The following TNPO3 variants were observed in gnomAD, a reference collection of about 807,000 sequenced individuals.
The protein encoded by TNPO3 is transportin-3.
A neutral mutation model predicts 122.8 loss-of-function variants in TNPO3; 65 were observed. The ratio of observed to expected loss-of-function variants is 0.53; its 90% confidence interval spans 0.43 to 0.65. The LOEUF (loss-of-function observed/expected upper bound fraction) is 0.65, where lower values mean the gene tolerates loss of function less well. Among genes scored for constraint, TNPO3 ranks in the 30% least tolerant of loss-of-function variants. The probability of loss-of-function intolerance (pLI) is 0.00; values close to 1 mark genes in which losing one functional copy is unlikely to be tolerated. For missense variants in TNPO3, 850 were observed against 1,136.7 expected (o/e 0.75, Z 3.63); for synonymous variants, 372 against 411.2 (o/e 0.90, Z 1.15).
At chr7:129,050,788 C>T (rs1251488823) in intron 1 of TNPO3, among the ~76,000 whole-genome samples, 1 of 152,068 alleles carries the variant, frequency 6.6e-6, no homozygotes, top group East Asian at 1.9e-4. Context: ...TAAAAGCAGC[C>T]CAAGAAAAAC....
intron 1 of TNPO3, among the ~76,000 whole-genome samples, chr7:129,024,457 G>A (rs1804880685): frequency 6.6e-6 from 1 of 152,166 alleles, no homozygotes; most frequent in African/African-American, 2.4e-5. Flanking sequence ...CAATAAAATG[G>A]TTTTTATTTC....
chr7:128,988,464 TA>T (rs1800403513), intron 11 of TNPO3, among the ~76,000 whole-genome samples: 4 of 152,200 alleles, frequency 2.6e-5, no homozygotes, highest in Non-Finnish European at 5.9e-5. Flanking sequence ...GCAACTCTAA[TA>T]ATGTAGACTT....
chr7:128,974,988 G>T (rs771666656), intron 17 of TNPO3, 26 bp from the exon 18 acceptor site: 1 of 1,589,800 alleles, frequency 6.3e-7, no homozygotes, highest in Non-Finnish European at 8.6e-7. Context: ...GATTTTAAAA[G>T]AAATGCTTTT....
chr7:129,047,264 A>G (rs1032395466), intron 1 of TNPO3, among the ~76,000 whole-genome samples: 1 of 152,158 alleles, frequency 6.6e-6, no homozygotes, highest in Non-Finnish European at 1.5e-5. Flanking sequence ...TAAATTAAAA[A>G]CTTATAACTG....
chr7:128,959,134 T>C lies in TNPO3; in HGVS notation c.2712-1819A>G, dbSNP rs748808362. Among the ~76,000 whole-genome samples the C allele has an allele frequency of 3.0e-4, 46 of 152,238 alleles. 2 individuals carry two copies. The highest frequency in any genetic ancestry group is 7.2e-5 in the African/African-American group (3 of 41,458). On this transcript the variant is annotated intron_variant, in intron 21 of 22. Transcript: ENST00000265388. ...ATTTTACTTCCAAATTAATACTGACTGTTAAGGAGGCAGCCAGGGTATGTG... is the reference window on the plus strand; with the variant it reads ...ATTTTACTTCCAAATTAATACTGACCGTTAAGGAGGCAGCCAGGGTATGTG...
chr7:129,048,652 A>G (rs535301650), intron 1 of TNPO3, among the ~76,000 whole-genome samples: 7 of 152,268 alleles, frequency 4.6e-5, no homozygotes, highest in East Asian at 3.9e-4. Context: ...TTAAAAAAAA[A>G]AAAGAAAGAA....
At chr7:128,992,127 G>A in intron 9 of TNPO3, 37 bp from the exon 10 acceptor site, 1 of 1,259,468 alleles carries the variant, frequency 7.9e-7, no homozygotes, top group East Asian at 2.4e-5. Context: ...TCCATTAAAA[G>A]GAAAACAGAA....
At chr7:128,976,322 T>C (rs1799054396) in intron 16 of TNPO3, among the ~76,000 whole-genome samples, 1 of 152,212 alleles carries the variant, frequency 6.6e-6, no homozygotes, top group Admixed American at 6.5e-5. Flanking sequence ...GGGAAAACAG[T>C]ATCAAACACC....
intron 3 of TNPO3, among the ~76,000 whole-genome samples, chr7:129,015,864 C>T (rs6965542): frequency 0.58 from 87,847 of 151,616 alleles, 25,710 homozygotes; most frequent in South Asian, 0.62. Flanking sequence ...GGAGAGAGGA[C>T]GGGGTTCATT....
chr7:128,979,432 T>A (rs781171962), intron 15 of TNPO3, among the ~76,000 whole-genome samples: 6 of 152,170 alleles, frequency 3.9e-5, no homozygotes, highest in Non-Finnish European at 8.8e-5. Context: ...ACGAGCTATA[T>A]AGGAAGAGAT....
rs560866516 is a variant in TNPO3 at position 129,052,745 on chromosome 7, C to A, written c.120+1906G>T. On this transcript the variant is annotated intron_variant, in intron 1 of 22. Transcript: ENST00000265388. ...CTGGTTCATTTCCAAATCCAAACACCCAGCATAGTTGCTGGCACATGGTAA... is the reference window on the plus strand; with the variant it reads ...CTGGTTCATTTCCAAATCCAAACACACAGCATAGTTGCTGGCACATGGTAA... 2.0e-5 allele frequency among the ~76,000 whole-genome samples: 3 copies of A among 152,260 alleles called. No homozygotes were observed. In the East Asian group the frequency reaches 5.8e-4, roughly 29 times the overall value.
chr7:129,020,066 G>A (rs1400734583), intron 1 of TNPO3, among the ~76,000 whole-genome samples: 2 of 152,172 alleles, frequency 1.3e-5, no homozygotes, highest in Non-Finnish European at 2.9e-5. Flanking sequence ...TACTTGGGAT[G>A]CTGAGGCGAG....
chr7:129,043,671 C>T (rs1216702197), intron 1 of TNPO3, among the ~76,000 whole-genome samples: 1 of 152,138 alleles, frequency 6.6e-6, no homozygotes, highest in Non-Finnish European at 1.5e-5. Flanking sequence ...TCCTCAATTA[C>T]CTATGAATGT....
At chr7:128,966,833 T>C (rs1797970547) in intron 21 of TNPO3, among the ~76,000 whole-genome samples, 1 of 152,228 alleles carries the variant, frequency 6.6e-6, no homozygotes, top group Non-Finnish European at 1.5e-5. Flanking sequence ...TCTTTGAAAT[T>C]AGAATTTGAC....
At position 128,970,133 on chromosome 7, in the gene TNPO3, T is replaced by A. The variant is rs1173535423; in HGVS notation, c.2598+15A>T. 1.2e-6 allele frequency: 2 copies of A among 1,613,962 alleles called. No individual in the cohort carries two copies. The highest frequency in any genetic ancestry group is 3.3e-5 in the Admixed American group (2 of 60,012). ...TAGGGACTATGAGATAAATTCCTCA[T>A]GAAAACAATCTTACCGGTCTGTCAA... On this transcript the variant is annotated intron_variant, in intron 20 of 22. Coordinates refer to ENST00000265388, the MANE Select transcript of TNPO3 (RefSeq NM_012470.4).
At chr7:129,048,643 TAAAAAAAAAAAAGA>T (rs1808338010) in intron 1 of TNPO3, among the ~76,000 whole-genome samples, 1 of 138,566 alleles carries the variant, frequency 7.2e-6, no homozygotes, top group East Asian at 2.0e-4. Flanking sequence ...ATAAAGGATT[TAAAAAAAAAAAAGA>T]AAGAAAAAAA....
chr7:129,023,158 CCTT>C (rs1219626378), intron 1 of TNPO3, among the ~76,000 whole-genome samples: 3 of 152,138 alleles, frequency 2.0e-5, no homozygotes, highest in South Asian at 2.1e-4. Context: ...TACTCTGTCA[CCTT>C]CTGTGTCCCT....
intron 7 of TNPO3, among the ~76,000 whole-genome samples, chr7:128,999,000 C>A (rs367809366): frequency 6.6e-6 from 1 of 151,922 alleles, no homozygotes; most frequent in Admixed American, 6.6e-5. Context: ...ATTACAGGTG[C>A]GCACCATCAC....
At chr7:128,974,809 G>T in intron 18 of TNPO3, 59 bp downstream of exon 18, 1 of 1,366,568 alleles carries the variant, frequency 7.3e-7, no homozygotes, top group Non-Finnish European at 1.0e-6. Flanking sequence ...GGGTCAGATG[G>T]CAAGACTAAG....
Sources: allele counts gnomAD v4.1 joint callset (sites outside exome capture counted in the v4.1 genomes callset), GRCh38; gene constraint gnomAD v4.1.1; transcripts MANE v1.5; gene names NCBI Gene and HGNC (gene_info 2026-07-23, HGNC 2026-07-21).